SLFN11: variants seen among roughly 807,000 people sequenced by gnomAD.
SLFN11 encodes the protein schlafen family member 11.
A neutral mutation model predicts 53.4 loss-of-function variants in SLFN11; 43 were observed. The observed-to-expected ratio is 0.80, with a 90% confidence interval of 0.63 to 1.04. The LOEUF is 1.04. Ranked by LOEUF, SLFN11 falls within the 50% of genes least tolerant of loss-of-function variation. The pLI is 0.00. For synonymous variants in SLFN11, 389 were observed against 394.7 expected (o/e 0.99, Z 0.17); for missense variants, 990 against 1,079.1 (o/e 0.92, Z 1.16).
chr17:35,355,395 G>A (rs1404565290), intron 5 of SLFN11, among the ~76,000 whole-genome samples: 4 of 151,890 alleles, frequency 2.6e-5, no homozygotes, highest in Non-Finnish European at 5.9e-5. Flanking sequence ...GCAAGATACT[G>A]TCTCAAAAAA....
chr17:35,363,816 C>G lies in SLFN11; in HGVS notation c.-9G>C, dbSNP rs369494870. On this transcript the variant is annotated 5_prime_UTR_variant, in exon 4 of 7. Transcript: ENST00000685675. ...CACTGATTTGCCTCCATGTTGAACT[C>G]ACAGCTGAAACTATTAGAAGAAATG... 69 of 1,550,098 alleles carry G rather than the reference C, an allele frequency of 4.5e-5. 1 individual carries two copies. In the African/African-American group the frequency reaches 7.6e-4, roughly 17 times the overall value.
intron 3 of SLFN11, among the ~76,000 whole-genome samples, chr17:35,365,018 A>G (rs1908780241): frequency 6.6e-6 from 1 of 152,100 alleles, no homozygotes; most frequent in Non-Finnish European, 1.5e-5. Context: ...GGAAGAAGCC[A>G]GTAGGGAAGT....
chr17:35,365,258 CT>C (rs1037016616), intron 3 of SLFN11, among the ~76,000 whole-genome samples: 3 of 152,034 alleles, frequency 2.0e-5, no homozygotes, highest in African/African-American at 7.2e-5. Context: ...AAGTCACCCC[CT>C]GAGACAGAGG....
Position 35,369,194 on chromosome 17 carries a change from C to A in SLFN11, c.-234-1494G>T, listed in dbSNP as rs1031891237. On this transcript the variant is annotated intron_variant, in intron 1 of 6. Transcript: ENST00000685675. Reference sequence around the variant, plus strand: ...GAGCAACAAGTAGGCCCTTGGACAGCATTTCTGGACCCAACCTGGGCCAGA... The same window carrying A: ...GAGCAACAAGTAGGCCCTTGGACAGAATTTCTGGACCCAACCTGGGCCAGA... Among the ~76,000 whole-genome samples, 7 of 152,140 alleles carry A rather than the reference C, an allele frequency of 4.6e-5. No homozygotes were observed. In the East Asian group the frequency reaches 1.2e-3, roughly 25 times the overall value.
intron 1 of SLFN11, among the ~76,000 whole-genome samples, chr17:35,373,271 AC>A (rs901147815): frequency 2.9e-4 from 5 of 17,022 alleles, no homozygotes; most frequent in Admixed American, 7.7e-4. Flanking sequence ...CCCATTACCC[AC>A]CCCCGCCCCG....
chr17:35,352,260 C>A lies in SLFN11; in HGVS notation c.*96G>T, dbSNP rs995700026. On this transcript the variant is annotated 3_prime_UTR_variant, in exon 7 of 7. Coordinates refer to ENST00000685675, the MANE Select transcript of SLFN11 (RefSeq NM_001376007.1). ...TCCAAACTCTTTGTGTCAGCTCCGT[C>A]CAAATCTCTGACTTGTGAACTAAAA... The A allele has an allele frequency of 1.4e-6, 2 of 1,476,160 alleles. No individual in the cohort carries two copies. Among genetic ancestry groups the A allele is most frequent in the Non-Finnish European group, 9.2e-7 (1 of 1,085,212 alleles). The allele number at this position is 1,476,160 out of a possible 1,614,324, so 91.4% of individuals were successfully genotyped here.
At chr17:35,372,811 A>G (rs1597733616) in intron 1 of SLFN11, among the ~76,000 whole-genome samples, 1 of 152,144 alleles carries the variant, frequency 6.6e-6, no homozygotes, top group African/African-American at 2.4e-5. Flanking sequence ...AAAAGAAAAG[A>G]AAGGGAAATG....
In SLFN11 at chr17:35,352,796, T is replaced by C. The variant is rs1041163796; in HGVS notation, c.2266A>G (p.Ile756Val). 1 of 1,614,246 alleles carries C rather than the reference T, an allele frequency of 6.2e-7. No individual in the cohort carries two copies. The highest frequency in any genetic ancestry group is 8.5e-7 in the Non-Finnish European group (1 of 1,180,042). The change falls in exon 7 of 7, where the codon ATC (isoleucine) becomes GTC (valine). Residue 756 changes from isoleucine to valine, a missense_variant. Coordinates refer to ENST00000685675, the MANE Select transcript of SLFN11 (RefSeq NM_001376007.1). ...AATACCTCGAGGCACCCAGTGGGGA[T>C]GTTAAATGAAGGATTACTTCTAATT... ...QVIRSNPSFNIPTGCLEVFPE... is the reference protein window; with the variant it reads ...QVIRSNPSFNVPTGCLEVFPE...
Position 35,352,848 on chromosome 17 carries a change from G to A in SLFN11, c.2214C>T (p.Ala738=), listed in dbSNP as rs1216062916. The change falls in exon 7 of 7, where the codon GCC becomes GCT. Residue 738 remains alanine, a synonymous_variant. Transcript: ENST00000685675. ...TRIVRNADPI[A]KYLQKEMQVI... ...CTTGCATTTCTTTTTGTAAGTACTT[G>A]GCTATTGGATCTGCATTGCGAACTA... The A allele has an allele frequency of 1.2e-6, 2 of 1,614,194 alleles. No homozygotes were observed. The highest frequency in any genetic ancestry group is 4.5e-5 in the East Asian group (2 of 44,888).
rs753749223 is a variant in SLFN11, at chr17:35,353,827, C to T, written c.1431G>A (p.Arg477=). ...AGTCCTGGCCCTCTGCATCTTGCTC[C>T]CTGAGAATGGTGTAGAGAATGGGGG... The part of the protein sequence containing the change: ...NSTPILYTIL[R]EQDAEGQDYC... The change falls in exon 6 of 7, where the codon AGG becomes AGA. Residue 477 remains arginine, a synonymous_variant. Transcript: ENST00000685675. 6.3e-7 allele frequency: 1 copy of T among 1,600,000 alleles called. No individual in the cohort carries two copies. Among genetic ancestry groups the T allele is most frequent in the South Asian group, 1.1e-5 (1 of 90,332 alleles).
intron 1 of SLFN11, among the ~76,000 whole-genome samples, chr17:35,372,984 C>T (rs766419984): frequency 4.6e-5 from 7 of 152,086 alleles, no homozygotes; most frequent in Non-Finnish European, 1.0e-4. Context: ...AATTCTAATT[C>T]TGCCTTTTAG....
At position 35,353,031 on chromosome 17, in the gene SLFN11, A is replaced by G; in HGVS notation, c.2031T>C (p.Asp677=). 6.2e-7 allele frequency: 1 copy of G among 1,614,182 alleles called. No homozygotes were observed. Reference sequence around the variant, plus strand: ...TTTTTGCCTTCCCATACCAGTCCCCATCTTCAGTACGGAAATTCTGAGCTT... The same window carrying G: ...TTTTTGCCTTCCCATACCAGTCCCCGTCTTCAGTACGGAAATTCTGAGCTT... ...IDEAQNFRTE[D]GDWYGKAKSI... The change falls in exon 7 of 7, where the codon GAT becomes GAC. Residue 677 remains aspartate, a synonymous_variant. Transcript: ENST00000685675.
In SLFN11 at chr17:35,352,438, G is replaced by A. The variant is rs1285699168; in HGVS notation, c.2624C>T (p.Pro875Leu). 4 of 1,614,074 alleles carry A rather than the reference G, an allele frequency of 2.5e-6. No homozygotes were observed. The highest frequency in any genetic ancestry group is 3.4e-6 in the Non-Finnish European group (4 of 1,180,034). The change falls in exon 7 of 7, where the codon CCA (proline) becomes CTA (leucine). Residue 875 changes from proline to leucine, a missense_variant. By Grantham distance (98) the Pro-to-Leu change is moderately conservative (BLOSUM62 -3). Around this residue, in one of 3 missense-constraint regions of SLFN11, gnomAD observed 313 missense variants for 320.9 expected, o/e 0.98. Coordinates refer to ENST00000685675, the MANE Select transcript of SLFN11 (RefSeq NM_001376007.1). ...GATCAGAACATTGGGTAAGATAGCT[G>A]GGTCAGCTGTCCTTGGATGGATCCC... The part of the protein sequence containing the change: ...VFGIHPRTAD[P>L]AILPNVLICL...
At chr17:35,367,329 C>T (rs1357289826) in intron 2 of SLFN11, 3 of 152,058 alleles carry the variant, frequency 2.0e-5, no homozygotes, top group Non-Finnish European at 4.4e-5. Flanking sequence ...AACAGCAACC[C>T]CACCATCTGC....
chr17:35,373,319 T>C (rs1909932474), intron 1 of SLFN11, among the ~76,000 whole-genome samples, 155 bp downstream of exon 1: 1 of 130,830 alleles, frequency 7.6e-6, no homozygotes, highest in Admixed American at 9.2e-5. Context: ...TTAGGGAACC[T>C]GCTGAGCAAA....
Position 35,363,146 on chromosome 17 carries a change from T to A in SLFN11, c.662A>T (p.Lys221Ile). The change falls in exon 4 of 7, where the codon AAA (lysine) becomes ATA (isoleucine). Residue 221 changes from lysine to isoleucine, a missense_variant. Physicochemically the swap from Lys to Ile is moderately radical, Grantham distance 102 (BLOSUM62 -3). Coordinates refer to ENST00000685675, the MANE Select transcript of SLFN11 (RefSeq NM_001376007.1). ...QLVEFKQFST[K>I]HFQEYVKRTI... ...CCTTTTTACATATTCTTGGAAGTGT[T>A]TTGTAGAGAACTGTTTAAACTCTAC... is the stretch of plus-strand genomic sequence containing the variant. 1 of 1,613,898 alleles carries A rather than the reference T, an allele frequency of 6.2e-7. No homozygotes were observed. The highest frequency in any genetic ancestry group is 1.1e-5 in the South Asian group (1 of 91,062).
chr17:35,363,359 C>G lies in SLFN11; in HGVS notation c.449G>C (p.Cys150Ser). 6.2e-7 allele frequency: 1 copy of G among 1,613,996 alleles called. No individual in the cohort carries two copies. Among genetic ancestry groups the G allele is most frequent in the South Asian group, 1.1e-5 (1 of 91,072 alleles). The change falls in exon 4 of 7, where the codon TGT becomes TCT. Residue 150 changes from cysteine to serine, a missense_variant. Physicochemically the swap from Cys to Ser is moderately radical, Grantham distance 112 (BLOSUM62 -1). Transcript: ENST00000685675. ...TGGCTTCCTTTTGGTCTTCAGGAAA[C>G]AGAATGCCTCTCTTGAGTCCATGGA... ...VRSMDSREAF[C>S]FLKTKRKPKI... is the part of the protein sequence containing the mutation.
intron 5 of SLFN11, among the ~76,000 whole-genome samples, chr17:35,359,476 C>T (rs1163839690): frequency 1.3e-5 from 2 of 152,140 alleles, no homozygotes; most frequent in East Asian, 3.8e-4. Flanking sequence ...AGATAAGCCA[C>T]TGACTTACTG....
intron 5 of SLFN11, among the ~76,000 whole-genome samples, chr17:35,356,503 T>C (rs1175541831): frequency 6.6e-6 from 1 of 152,128 alleles, no homozygotes; most frequent in Non-Finnish European, 1.5e-5. Context: ...CCGAAATTAC[T>C]TTATGCAAAT....
Sources: allele counts gnomAD v4.1 joint callset (sites outside exome capture counted in the v4.1 genomes callset), GRCh38; gene constraint gnomAD v4.1.1; regional missense constraint gnomAD v4.1.1; transcripts MANE v1.5; gene names NCBI Gene and HGNC (gene_info 2026-07-23, HGNC 2026-07-21).